The following NXPH1 variants were observed in gnomAD, a reference collection of about 807,000 sequenced individuals.
NXPH1 encodes the protein neurexophilin 1.
In NXPH1, 5 loss-of-function variants were observed where a neutral mutation model predicts 23.7. That is an observed-to-expected ratio of 0.21 (90% CI 0.11 to 0.44). NXPH1 has a LOEUF of 0.44. NXPH1 is among the 20% of genes least tolerant of loss of function. The pLI is 0.99. For missense variants in NXPH1, 324 were observed against 321.6 expected (o/e 1.01, Z -0.06); for synonymous variants, 144 against 122.2 (o/e 1.18, Z -1.18).
intron 2 of NXPH1, among the ~76,000 whole-genome samples, chr7:8,714,958 A>G (rs1302664629): frequency 2.0e-5 from 3 of 152,182 alleles, no homozygotes; most frequent in South Asian, 2.1e-4. Context: ...TTGGTGTCTC[A>G]TTAGGTCACA....
intron 2 of NXPH1, among the ~76,000 whole-genome samples, chr7:8,651,045 A>G (rs902872256): frequency 6.6e-6 from 1 of 150,782 alleles, no homozygotes; most frequent in African/African-American, 2.4e-5. Flanking sequence ...ATATGTATAC[A>G]TGTGCCATGC....
intron 2 of NXPH1, among the ~76,000 whole-genome samples, chr7:8,684,456 T>A (rs996165103): frequency 6.6e-6 from 1 of 152,184 alleles, no homozygotes; most frequent in Admixed American, 6.6e-5. Context: ...CTTAGTCTCC[T>A]TCCTTCAGTA....
rs61200133 is a variant in NXPH1, at chr7:8,670,226, T to G, written c.55-80782T>G. Among the ~76,000 whole-genome samples, 384 of 152,320 alleles carry G rather than the reference T, an allele frequency of 2.5e-3. 2 individuals are homozygous for G. Among genetic ancestry groups the G allele is most frequent in the African/African-American group, 8.6e-3 (359 of 41,572 alleles). ...TTTATTCCTCTCCCTCTCCTAAATGTAGATGTCCTTTGAGGTAGTGTCCTT... is the reference window on the plus strand; with the variant it reads ...TTTATTCCTCTCCCTCTCCTAAATGGAGATGTCCTTTGAGGTAGTGTCCTT... On this transcript the variant is annotated intron_variant, in intron 2 of 2. Transcript: ENST00000405863.
chr7:8,621,363 G>A (rs959041517), intron 2 of NXPH1, among the ~76,000 whole-genome samples: 8 of 152,308 alleles, frequency 5.3e-5, no homozygotes, highest in South Asian at 2.1e-4. Context: ...AAGATGGGTT[G>A]CAGCAGAGGA....
intron 2 of NXPH1, among the ~76,000 whole-genome samples, chr7:8,724,128 C>T (rs2115209178): frequency 6.6e-6 from 1 of 152,290 alleles, no homozygotes; most frequent in East Asian, 1.9e-4. Context: ...GCTGCTCCTT[C>T]CAGGTCACTA....
At chr7:8,599,758 T>A in intron 2 of NXPH1, among the ~76,000 whole-genome samples, 1 of 151,854 alleles carries the variant, frequency 6.6e-6, no homozygotes, top group East Asian at 1.9e-4. Context: ...GAGTGCTGTT[T>A]AACCACACTT....
chr7:8,513,767 A>G lies in NXPH1; in HGVS notation c.54+78000A>G, dbSNP rs114390706. Among the ~76,000 whole-genome samples, 325 of 152,192 alleles carry G rather than the reference A, an allele frequency of 2.1e-3. 2 individuals carry two copies. The highest frequency in any genetic ancestry group is 7.2e-3 in the African/African-American group (298 of 41,534). On this transcript the variant is annotated intron_variant, in intron 2 of 2. Coordinates refer to ENST00000405863, the MANE Select transcript of NXPH1 (RefSeq NM_152745.3). ...CTTTCAAGAGAACCACCTATGTCCT[A>G]TGGTTTGTCAGACTTGCCTGCGTCT...
In NXPH1 at chr7:8,524,016, G is replaced by A. The variant is rs1291762394; in HGVS notation, c.54+88249G>A. On this transcript the variant is annotated intron_variant, in intron 2 of 2. Transcript: ENST00000405863. ...TCCCAGCACTTTGGGAGGCTGAGGC[G>A]GGTGGATTACGAGGTCAGCAATTCA... Among the ~76,000 whole-genome samples, 20 of 152,116 alleles carry A rather than the reference G, an allele frequency of 1.3e-4. No homozygotes were observed. In the East Asian group the frequency reaches 1.4e-3, roughly 10 times the overall value.
intron 2 of NXPH1, among the ~76,000 whole-genome samples, chr7:8,558,949 T>A (rs1297585334): frequency 6.6e-6 from 1 of 151,678 alleles, no homozygotes; most frequent in Non-Finnish European, 1.5e-5. Context: ...ATTGATTACA[T>A]CCTAATATTG....
intron 2 of NXPH1, among the ~76,000 whole-genome samples, chr7:8,578,879 T>C (rs1325411863): frequency 1.3e-5 from 2 of 152,112 alleles, no homozygotes; most frequent in African/African-American, 4.8e-5. Context: ...GGAAGAAGTG[T>C]GGTAGGTAAA....
At chr7:8,739,195 A>C (rs931514949) in intron 2 of NXPH1, among the ~76,000 whole-genome samples, 181 of 132,922 alleles carry the variant, frequency 1.4e-3, no homozygotes, top group African/African-American at 4.4e-3. Context: ...AAAAAAAAAA[A>C]AAAAAAAAAC....
intron 2 of NXPH1, among the ~76,000 whole-genome samples, chr7:8,697,052 G>C (rs976406401): frequency 6.6e-6 from 1 of 150,736 alleles, no homozygotes; most frequent in African/African-American, 2.4e-5. Context: ...CAGCTACTAA[G>C]GAGGCTAAGG....
At chr7:8,693,326 A>G (rs1349618896) in intron 2 of NXPH1, among the ~76,000 whole-genome samples, 1 of 152,192 alleles carries the variant, frequency 6.6e-6, no homozygotes, top group Non-Finnish European at 1.5e-5. Context: ...TGTGCGTAAG[A>G]GAGGGATGCT....
intron 2 of NXPH1, among the ~76,000 whole-genome samples, chr7:8,599,910 C>G (rs530129381): frequency 6.7e-6 from 1 of 149,752 alleles, no homozygotes; most frequent in Non-Finnish European, 1.5e-5. Flanking sequence ...AGTCATATTA[C>G]GATAACTATG....
chr7:8,617,971 C>A (rs2115119574), intron 2 of NXPH1, among the ~76,000 whole-genome samples: 1 of 152,124 alleles, frequency 6.6e-6, no homozygotes, highest in African/African-American at 2.4e-5. Flanking sequence ...GTGGGTACAT[C>A]TCATGTAACC....
chr7:8,532,394 T>C (rs1817961105), intron 2 of NXPH1, among the ~76,000 whole-genome samples: 1 of 149,074 alleles, frequency 6.7e-6, no homozygotes. Flanking sequence ...AGCCTGCCCC[T>C]ATGTTGTACC....
intron 2 of NXPH1, chr7:8,690,243 A>G (rs1277161286): frequency 6.6e-6 from 1 of 152,374 alleles, no homozygotes; most frequent in African/African-American, 2.4e-5. Flanking sequence ...CTTGTTTAGT[A>G]GTCTCCCATT....
intron 2 of NXPH1, among the ~76,000 whole-genome samples, chr7:8,517,246 G>A (rs774410797): frequency 1.3e-5 from 2 of 152,096 alleles, no homozygotes; most frequent in Non-Finnish European, 2.9e-5. Flanking sequence ...CCACAGAGAG[G>A]TACCTCACCC....
At chr7:8,580,578 T>G (rs1818846532) in intron 2 of NXPH1, among the ~76,000 whole-genome samples, 1 of 152,120 alleles carries the variant, frequency 6.6e-6, no homozygotes, top group Admixed American at 6.5e-5. Flanking sequence ...TTTGAATGTT[T>G]CAATGTCTGA....
Sources: gnomAD v4.1 joint callset for allele counts (sites outside exome capture counted in the v4.1 genomes callset) on GRCh38, gnomAD v4.1.1 for gene constraint, MANE v1.5 for transcripts, NCBI Gene and HGNC (gene_info 2026-07-23, HGNC 2026-07-21) for gene names.